The following TNFRSF8 variants were observed in gnomAD, a reference collection of about 807,000 sequenced individuals.
TNFRSF8 encodes TNF receptor superfamily member 8, also known as tumor necrosis factor receptor superfamily member 8.
In TNFRSF8, 26 loss-of-function variants were observed where a neutral mutation model predicts 70.8. The ratio of observed to expected loss-of-function variants is 0.37; its 90% CI spans 0.27 to 0.51. TNFRSF8 has a LOEUF of 0.51. TNFRSF8 is among the 20% of genes least tolerant of loss of function. TNFRSF8 has a pLI of 0.94. For missense variants in TNFRSF8, 720 were observed against 807.9 expected (o/e 0.89, Z 1.32); for synonymous variants, 356 against 339.2 (o/e 1.05, Z -0.54).
chr1:12,137,573 T>C (rs1389442125), intron 13 of TNFRSF8, among the ~76,000 whole-genome samples: 1 of 151,490 alleles, frequency 6.6e-6, no homozygotes, highest in Non-Finnish European at 1.5e-5. Flanking sequence ...TTTTTTGTTT[T>C]TTTTTTAGCA....
intron 4 of TNFRSF8, among the ~76,000 whole-genome samples, chr1:12,106,826 C>G (rs1216227814): frequency 6.6e-6 from 1 of 152,206 alleles, no homozygotes; most frequent in Admixed American, 6.5e-5. Flanking sequence ...ACCTCGGTCT[C>G]CCCATCTCTC....
In TNFRSF8 at chr1:12,109,828, C is replaced by G; in HGVS notation, c.512+172C>G. On this transcript the variant is annotated intron_variant, in intron 5 of 14. Transcript: ENST00000263932. This position sits in a 1 kb window ranked among gnomAD's most constrained non-coding sequence, Gnocchi z 4.4. ...GCCAAGCCCCTCAGATCATTTGAGGCCCTAGGGTGTGCCCAGCCCTGCCCT... is the reference window on the plus strand; with the variant it reads ...GCCAAGCCCCTCAGATCATTTGAGGGCCTAGGGTGTGCCCAGCCCTGCCCT... Among the ~76,000 whole-genome samples the G allele has an allele frequency of 6.6e-6, 1 of 152,154 alleles. No individual in the cohort carries two copies. The highest frequency in any genetic ancestry group is 1.5e-5 in the Non-Finnish European group (1 of 68,004).
At chr1:12,114,654 C>T (rs924717852) in intron 7 of TNFRSF8, among the ~76,000 whole-genome samples, 2 of 147,410 alleles carry the variant, frequency 1.4e-5, no homozygotes, top group Non-Finnish European at 1.5e-5. Context: ...AAAATAATAC[C>T]TCTAACATGG....
At position 12,108,230 on chromosome 1, in the gene TNFRSF8, C is replaced by T. The variant is rs1334365893; in HGVS notation, c.422-1336C>T. On this transcript the variant is annotated intron_variant, in intron 4 of 14. Transcript: ENST00000263932. This position sits in a 1 kb window ranked among gnomAD's most constrained non-coding sequence, Gnocchi z 4.0. ...AGTAGCTGGGATTACAGGTACCTGCCACCATGCCCGGCTAATTTTTTGTAA... is the reference window on the plus strand; with the variant it reads ...AGTAGCTGGGATTACAGGTACCTGCTACCATGCCCGGCTAATTTTTTGTAA... Among the ~76,000 whole-genome samples, 1 of 151,900 alleles carries T rather than the reference C, an allele frequency of 6.6e-6. No homozygotes were observed. Among genetic ancestry groups the T allele is most frequent in the African/African-American group, 2.4e-5 (1 of 41,360 alleles).
intron 2 of TNFRSF8, among the ~76,000 whole-genome samples, chr1:12,084,895 C>T (rs558554786): frequency 6.6e-6 from 1 of 152,260 alleles, no homozygotes; most frequent in East Asian, 1.9e-4. Context: ...TCCTTTATTA[C>T]ACTCAATTTG....
chr1:12,138,413 C>T lies in TNFRSF8; in HGVS notation c.1520C>T (p.Thr507Met), dbSNP rs142130984. The change falls in exon 14 of 15, where the codon ACG becomes ATG. Residue 507 changes from threonine to methionine, a missense_variant. Transcript: ENST00000263932. The surrounding 1 kb of genome is among the most constrained non-coding windows in gnomAD (Gnocchi z 5.7). ...GACCTTCCTGAGCCCCGGGTGTCCA[C>T]GGAGCACACCAATAACAAGATTGGT... Reference protein sequence around the residue: ...PRDLPEPRVSTEHTNNKIEKI... With the variant: ...PRDLPEPRVSMEHTNNKIEKI... 2.6e-5 allele frequency: 42 copies of T among 1,613,096 alleles called. No individual in the cohort carries two copies. Among genetic ancestry groups the T allele is most frequent in the Middle Eastern group, 1.7e-4 (1 of 6,046 alleles).
rs1056875056 is a variant in TNFRSF8, at chr1:12,142,842, G to A, written c.*311G>A. ...GGCAGGATGGGCACTGCCGAGAACA[G>A]CATTGGTCCCAGAGCCCTGGGCATC... is the stretch of plus-strand genomic sequence containing the variant. On this transcript the variant is annotated 3_prime_UTR_variant, in exon 15 of 15. Coordinates refer to ENST00000263932, the MANE Select transcript of TNFRSF8 (RefSeq NM_001243.5). The surrounding 1 kb of genome is among the most constrained non-coding windows in gnomAD (Gnocchi z 5.0). 3.9e-5 allele frequency: 13 copies of A among 330,500 alleles called. No homozygotes were observed. The highest frequency in any genetic ancestry group is 2.5e-4 in the African/African-American group (12 of 47,618). 20.5% of individuals were successfully genotyped at this position (330,500 alleles called of 1,614,324 possible). A position where few individuals can be genotyped will look rare whatever the true frequency, so the allele number is the denominator to read the frequency against.
intron 8 of TNFRSF8, among the ~76,000 whole-genome samples, chr1:12,117,470 GC>G (rs1472550415): frequency 2.0e-5 from 3 of 152,114 alleles, no homozygotes; most frequent in Admixed American, 2.0e-4. Context: ...TGTTTGTAAA[GC>G]CCTCTTTACT....
intron 2 of TNFRSF8, among the ~76,000 whole-genome samples, chr1:12,091,661 C>T (rs1641249941): frequency 6.6e-6 from 1 of 152,188 alleles, no homozygotes; most frequent in African/African-American, 2.4e-5. Flanking sequence ...GGAGAAGCCA[C>T]TTAGCCTGCA....
intron 1 of TNFRSF8, among the ~76,000 whole-genome samples, chr1:12,066,291 C>T (rs373200192): frequency 1.3e-5 from 2 of 150,500 alleles, no homozygotes; most frequent in African/African-American, 2.5e-5. Context: ...AGTAAAGGTT[C>T]GGGAAGCTCG....
chr1:12,116,343 CA>C (rs1641729814), intron 8 of TNFRSF8, among the ~76,000 whole-genome samples: 7 of 152,298 alleles, frequency 4.6e-5, no homozygotes, highest in Admixed American at 3.9e-4. Context: ...AGATGAATAT[CA>C]AGTTTCTGAA....
At chr1:12,107,224 G>T (rs547734165) in intron 4 of TNFRSF8, among the ~76,000 whole-genome samples, 1 of 152,218 alleles carries the variant, frequency 6.6e-6, no homozygotes, top group Non-Finnish European at 1.5e-5. Context: ...GTGAAACCTC[G>T]TCTCTACTAA....
At position 12,088,440 on chromosome 1, in the gene TNFRSF8, T is replaced by C. The variant is rs1438912209; in HGVS notation, c.151+3889T>C. Among the ~76,000 whole-genome samples the C allele has an allele frequency of 6.6e-6, 1 of 152,072 alleles. No individual in the cohort carries two copies. Among genetic ancestry groups the C allele is most frequent in the Non-Finnish European group, 1.5e-5 (1 of 68,008 alleles). ...CAGTGGCTCAGCCGGGCCGTGAACA[T>C]GACCACCGAGTGCAGTCTCCTGAGC... is the stretch of plus-strand genomic sequence containing the variant. On this transcript the variant is annotated intron_variant, in intron 2 of 14. Coordinates refer to ENST00000263932, the MANE Select transcript of TNFRSF8 (RefSeq NM_001243.5). The surrounding 1 kb of genome is among the most constrained non-coding windows in gnomAD (Gnocchi z 4.0).
intron 6 of TNFRSF8, among the ~76,000 whole-genome samples, chr1:12,111,018 A>G (rs1157420986): frequency 1.3e-5 from 2 of 152,250 alleles, no homozygotes; most frequent in African/African-American, 2.4e-5. Context: ...AAAGAAAAAT[A>G]CATCTTTGCG....
intron 2 of TNFRSF8, among the ~76,000 whole-genome samples, chr1:12,085,131 A>G (rs1641131050): frequency 6.6e-6 from 1 of 151,694 alleles, no homozygotes. Flanking sequence ...TTTTTTTGAG[A>G]TGGAGTTTTG....
At chr1:12,117,726 G>A (rs983096741) in intron 8 of TNFRSF8, among the ~76,000 whole-genome samples, 11 of 152,332 alleles carry the variant, frequency 7.2e-5, no homozygotes, top group Admixed American at 2.0e-4. Context: ...TGGGGTACAA[G>A]TGTAATTTTA....
Position 12,113,514 on chromosome 1 carries a change from T to TGA in TNFRSF8, c.793+1509_793+1510dup, listed in dbSNP as rs1641669156. Among the ~76,000 whole-genome samples the TGA allele has an allele frequency of 7.2e-6, 1 of 138,844 alleles. No individual in the cohort carries two copies. The highest frequency in any genetic ancestry group is 7.1e-5 in the Admixed American group (1 of 13,998). 91.1% of individuals were successfully genotyped at this position (138,844 alleles called of 152,430 possible). On this transcript the variant is annotated intron_variant, in intron 7 of 14. Transcript: ENST00000263932. The surrounding 1 kb of genome is among the most constrained non-coding windows in gnomAD (Gnocchi z 4.9). ...GAGAGAGACAGACAGAAAGAGAGAGTGAGAGAGAGACAGAAAGAGGGAGAG... is the reference window on the plus strand; with the variant it reads ...GAGAGAGACAGACAGAAAGAGAGAGTGAGAGAGAGAGACAGAAAGAGGGAGAG...
chr1:12,109,911 C>G lies in TNFRSF8; in HGVS notation c.513-130C>G. The G allele has an allele frequency of 8.4e-7, 1 of 1,197,348 alleles. No individual in the cohort carries two copies. Among genetic ancestry groups the G allele is most frequent in the Non-Finnish European group, 1.2e-6 (1 of 847,386 alleles). 74.2% of individuals were successfully genotyped at this position (1,197,348 alleles called of 1,614,324 possible). A position where few individuals can be genotyped will look rare whatever the true frequency, so the allele number is the denominator to read the frequency against. ...CACAGGCCTTGCTCCCAGGAGCTTA[C>G]AGTGGGCCCGCCAGAGGCAGTGGGC... On this transcript the variant is annotated intron_variant, in intron 5 of 14. Transcript: ENST00000263932. The surrounding 1 kb of genome is among the most constrained non-coding windows in gnomAD (Gnocchi z 4.4).
intron 1 of TNFRSF8, among the ~76,000 whole-genome samples, chr1:12,065,152 G>C (rs1393207406): frequency 7.5e-6 from 1 of 134,200 alleles, no homozygotes; most frequent in Non-Finnish European, 1.5e-5. Context: ...GCTCGATCTC[G>C]GCTCACTGCA....
Sources: gnomAD v4.1 joint callset for allele counts (sites outside exome capture counted in the v4.1 genomes callset) on GRCh38, gnomAD v4.1.1 for gene constraint, Gnocchi (gnomAD v3.1) non-coding constraint, MANE v1.5 for transcripts, NCBI Gene and HGNC (gene_info 2026-07-23, HGNC 2026-07-21) for gene names.